ST6GALNAC3: variants seen among roughly 807,000 people sequenced by gnomAD.
ST6GALNAC3 encodes the protein ST6 N-acetylgalactosaminide alpha-2,6-sialyltransferase 3.
Under a neutral mutation model 32.7 loss-of-function variants are expected in ST6GALNAC3, and 25 were observed. The observed-to-expected ratio is 0.76, with a 90% CI of 0.56 to 1.07. The LOEUF (loss-of-function observed/expected upper bound fraction) is 1.07. Among genes scored for constraint, ST6GALNAC3 ranks in the 50% least tolerant of loss-of-function variants. The pLI, the probability that ST6GALNAC3 is intolerant of heterozygous loss-of-function variation, is 0.00. For missense variants in ST6GALNAC3, 355 were observed against 382.4 expected (o/e 0.93, Z 0.60); for synonymous variants, 129 against 133.1 (o/e 0.97, Z 0.21).
At chr1:76,587,604 T>TA (rs1180712923) in intron 3 of ST6GALNAC3, among the ~76,000 whole-genome samples, 6 of 152,222 alleles carry the variant, frequency 3.9e-5, no homozygotes, top group Non-Finnish European at 8.8e-5. Flanking sequence ...GAAAATTATT[T>TA]AATCTCTAAA....
intron 3 of ST6GALNAC3, among the ~76,000 whole-genome samples, chr1:76,592,605 C>T (rs1253935999): frequency 6.6e-6 from 1 of 152,058 alleles, no homozygotes; most frequent in African/African-American, 2.4e-5. Context: ...GCATTTGGAG[C>T]CCCTGACCCT....
intron 1 of ST6GALNAC3, among the ~76,000 whole-genome samples, chr1:76,169,805 A>G (rs1464857585): frequency 6.6e-6 from 1 of 152,046 alleles, no homozygotes; most frequent in Non-Finnish European, 1.5e-5. Context: ...CAGCTCTGTC[A>G]GGTTGGTTAC....
chr1:76,279,192 G>C (rs1369155107), intron 1 of ST6GALNAC3, among the ~76,000 whole-genome samples: 2 of 152,188 alleles, frequency 1.3e-5, no homozygotes, highest in Non-Finnish European at 2.9e-5. Context: ...CAGGGGAACT[G>C]AAATTGTAGA....
chr1:76,132,028 G>A (rs1400568807), intron 1 of ST6GALNAC3, among the ~76,000 whole-genome samples: 2 of 152,102 alleles, frequency 1.3e-5, no homozygotes, highest in African/African-American at 4.8e-5. Flanking sequence ...AACACACAAT[G>A]CCACCATTCC....
At chr1:76,176,554 T>A (rs929730799) in intron 1 of ST6GALNAC3, among the ~76,000 whole-genome samples, 4 of 152,214 alleles carry the variant, frequency 2.6e-5, no homozygotes, top group African/African-American at 9.7e-5. Context: ...TAGTTAATTA[T>A]TGATTGATCA....
chr1:76,444,199 T>C (rs1161881063), intron 3 of ST6GALNAC3, among the ~76,000 whole-genome samples: 1 of 152,218 alleles, frequency 6.6e-6, no homozygotes, highest in Non-Finnish European at 1.5e-5. Context: ...TCCACATTTA[T>C]CTTTCTAAAA....
At chr1:76,239,332 GGA>G (rs996912272) in intron 1 of ST6GALNAC3, among the ~76,000 whole-genome samples, 38 of 152,110 alleles carry the variant, frequency 2.5e-4, no homozygotes, top group African/African-American at 8.7e-4. Flanking sequence ...GGAAGGATGT[GGA>G]GAGAGGATGT....
At chr1:76,221,153 G>A (rs1655745476) in intron 1 of ST6GALNAC3, among the ~76,000 whole-genome samples, 1 of 152,162 alleles carries the variant, frequency 6.6e-6, no homozygotes, top group South Asian at 2.1e-4. Context: ...GGAATGGATG[G>A]ATAAGTATAA....
At chr1:76,172,471 T>C (rs1175933095) in intron 1 of ST6GALNAC3, among the ~76,000 whole-genome samples, 2 of 152,134 alleles carry the variant, frequency 1.3e-5, no homozygotes, top group Non-Finnish European at 2.9e-5. Flanking sequence ...CACCATAGTA[T>C]TGGAAGTTCT....
chr1:76,377,487 T>C lies in ST6GALNAC3; in HGVS notation c.214-34521T>C, dbSNP rs1258834672. Among the ~76,000 whole-genome samples, 3 of 151,242 alleles carry C rather than the reference T, an allele frequency of 2.0e-5. No homozygotes were observed. The East Asian group carries it at 5.9e-4, about 30-fold the overall frequency. ...GAGAGAGAGAGAGAGAAGGGGAAAG[T>C]GCTACATACTTCCAAATAACCAAAT... On this transcript the variant is annotated intron_variant, in intron 2 of 4. Transcript: ENST00000328299.
At chr1:76,270,249 G>C (rs1324871079) in intron 1 of ST6GALNAC3, among the ~76,000 whole-genome samples, 1 of 152,126 alleles carries the variant, frequency 6.6e-6, no homozygotes, top group East Asian at 1.9e-4. Context: ...GCTCACATCT[G>C]TAATCCTAGC....
intron 3 of ST6GALNAC3, among the ~76,000 whole-genome samples, chr1:76,578,929 C>T (rs1457704879): frequency 6.6e-6 from 1 of 151,994 alleles, no homozygotes; most frequent in Non-Finnish European, 1.5e-5. Context: ...TGTGGGTGGA[C>T]ATACATATAT....
intron 3 of ST6GALNAC3, among the ~76,000 whole-genome samples, chr1:76,541,274 G>A (rs1663970798): frequency 6.6e-6 from 1 of 152,194 alleles, no homozygotes; most frequent in Non-Finnish European, 1.5e-5. Context: ...GGGTCCCTCC[G>A]GGGGAGTATG....
intron 3 of ST6GALNAC3, among the ~76,000 whole-genome samples, chr1:76,622,033 G>A (rs1648679515): frequency 6.6e-6 from 1 of 152,014 alleles, no homozygotes; most frequent in Admixed American, 6.6e-5. Context: ...ATTATTGGAA[G>A]GGGGGTCTTG....
chr1:76,303,085 TACA>T (rs1480920438), intron 1 of ST6GALNAC3, among the ~76,000 whole-genome samples: 1 of 102,194 alleles, frequency 9.8e-6, no homozygotes, highest in Non-Finnish European at 2.4e-5. Flanking sequence ...GAGGCTGAGT[TACA>T]AAGGTCACAG....
chr1:76,529,642 G>A lies in ST6GALNAC3; in HGVS notation c.624-97810G>A, dbSNP rs556742891. ...AAGGATGGAATATGTATGCAACTTT[G>A]AGTAATACAGACACAATTACCAATC... On this transcript the variant is annotated intron_variant, in intron 3 of 4. Coordinates refer to ENST00000328299, the MANE Select transcript of ST6GALNAC3 (RefSeq NM_152996.4). 5.3e-5 allele frequency among the ~76,000 whole-genome samples: 8 copies of A among 152,216 alleles called. No individual in the cohort carries two copies. In the South Asian group the frequency reaches 1.7e-3, roughly 32 times the overall value.
At chr1:76,583,450 T>C (rs148476645) in intron 3 of ST6GALNAC3, among the ~76,000 whole-genome samples, 636 of 152,272 alleles carry the variant, frequency 4.2e-3, no homozygotes, top group Non-Finnish European at 5.6e-3. Context: ...AGCAGGAAAT[T>C]AGGGATTGGT....
rs867128902 is a variant in ST6GALNAC3 at position 76,630,058 on chromosome 1, C to T, written c.*1252C>T. On this transcript the variant is annotated 3_prime_UTR_variant, in exon 5 of 5. Transcript: ENST00000328299. ...TTAACATCTGTTATACCATGTGATGCCCTTGAACACCCCATTGGGCTATTG... is the reference window on the plus strand; with the variant it reads ...TTAACATCTGTTATACCATGTGATGTCCTTGAACACCCCATTGGGCTATTG... 1.0e-6 allele frequency: 1 copy of T among 985,192 alleles called. No individual in the cohort carries two copies. The highest frequency in any genetic ancestry group is 1.2e-6 in the Non-Finnish European group (1 of 829,834). 61.0% of individuals were successfully genotyped at this position (985,192 alleles called of 1,614,324 possible). A position where few individuals can be genotyped will look rare whatever the true frequency, so the allele number is the denominator to read the frequency against.
At chr1:76,564,197 C>T (rs140889909) in intron 3 of ST6GALNAC3, among the ~76,000 whole-genome samples, 332 of 152,272 alleles carry the variant, frequency 2.2e-3, no homozygotes, top group African/African-American at 7.6e-3. Context: ...GCAGGTGAAG[C>T]TTGTGTCAGC....
Sources: gnomAD v4.1 joint callset for allele counts (sites outside exome capture counted in the v4.1 genomes callset) on GRCh38, gnomAD v4.1.1 for gene constraint, MANE v1.5 for transcripts, NCBI Gene and HGNC (gene_info 2026-07-23, HGNC 2026-07-21) for gene names.